PAPPA: variants seen among roughly 807,000 people sequenced by gnomAD.
PAPPA encodes the protein pappalysin-1.
A neutral mutation model predicts 164.0 loss-of-function variants in PAPPA; 60 were observed. That is an observed-to-expected ratio of 0.37 (90% CI 0.30 to 0.45). The LOEUF (loss-of-function observed/expected upper bound fraction) is 0.45, where lower values mean the gene tolerates loss of function less well. PAPPA is among the 20% of genes least tolerant of loss of function. PAPPA has a pLI of 1.00. For synonymous variants in PAPPA, 875 were observed against 814.1 expected, an observed-to-expected ratio of 1.07 and a Z score of -1.27; for missense variants, 1,782 against 2,087.3, an observed-to-expected ratio of 0.85 and a Z score of 2.85.
At chr9:116,177,740 C>T (rs747588444) in intron 1 of PAPPA, among the ~76,000 whole-genome samples, 1 of 152,200 alleles carries the variant, frequency 6.6e-6, no homozygotes, top group African/African-American at 2.4e-5. Flanking sequence ...GGAAAGATCT[C>T]TCTTCCAAGA....
chr9:116,161,996 A>G (rs1843669843), intron 1 of PAPPA, among the ~76,000 whole-genome samples: 1 of 152,122 alleles, frequency 6.6e-6, no homozygotes, highest in Admixed American at 6.5e-5. Context: ...GGTCGCACAA[A>G]GATTAGCTGA....
At position 116,227,473 on chromosome 9, in the gene PAPPA, C is replaced by G. The variant is rs1340100232; in HGVS notation, c.2154C>G (p.Ile718Met). 1.2e-6 allele frequency: 2 copies of G among 1,613,910 alleles called. No individual in the cohort carries two copies. The highest frequency in any genetic ancestry group is 1.7e-6 in the Non-Finnish European group (2 of 1,179,948). Reference sequence around the variant, plus strand: ...GTCATCTTTGCCTGGAAGGGAGAATCCTGGTGCAGTATGCTTCCAACGCTT... The same window carrying G: ...GTCATCTTTGCCTGGAAGGGAGAATGCTGGTGCAGTATGCTTCCAACGCTT... ...SACHLCLEGR[I>M]LVQYASNASS... Residue 718 changes from isoleucine (I) to methionine (M), a missense_variant, in exon 6 of 22, where the codon ATC becomes ATG. Ile to Met is a conservative substitution (Grantham distance 10). Transcript: ENST00000328252.
rs573521592 is a variant in PAPPA at position 116,177,049 on chromosome 9, G to A, written c.416-10105G>A. ...AGGGACATGTAAAATATGTTTCTGA[G>A]CTTATTAGAAACAGTTCTCTCCTTC... On this transcript the variant is annotated intron_variant, in intron 1 of 21. Transcript: ENST00000328252. 2.6e-5 allele frequency among the ~76,000 whole-genome samples: 4 copies of A among 151,262 alleles called. No individual in the cohort carries two copies. The South Asian group carries it at 8.4e-4, about 32-fold the overall frequency.
At chr9:116,292,960 C>A (rs968871803) in intron 9 of PAPPA, among the ~76,000 whole-genome samples, 1 of 152,092 alleles carries the variant, frequency 6.6e-6, no homozygotes, top group Non-Finnish European at 1.5e-5. Flanking sequence ...GGGAGGACTG[C>A]AAGAAGACAG....
At chr9:116,283,472 G>A (rs1031288343) in intron 9 of PAPPA, among the ~76,000 whole-genome samples, 1 of 152,124 alleles carries the variant, frequency 6.6e-6, no homozygotes, top group African/African-American at 2.4e-5. Context: ...GTCACAGGGG[G>A]TGAGTGGGCA....
chr9:116,172,803 C>T (rs915529361), intron 1 of PAPPA, among the ~76,000 whole-genome samples: 3 of 152,128 alleles, frequency 2.0e-5, no homozygotes, highest in Non-Finnish European at 4.4e-5. Flanking sequence ...AAAAAATGGT[C>T]ACCACTTCCA....
chr9:116,337,651 C>T (rs1024800401), intron 13 of PAPPA, among the ~76,000 whole-genome samples: 3 of 151,784 alleles, frequency 2.0e-5, no homozygotes, highest in Non-Finnish European at 4.4e-5. Flanking sequence ...GCATCTCTCC[C>T]TCTCTCTCCT....
intron 7 of PAPPA, among the ~76,000 whole-genome samples, chr9:116,245,233 AC>A (rs1365218154): frequency 1.3e-5 from 2 of 151,984 alleles, no homozygotes; most frequent in Admixed American, 6.6e-5. Flanking sequence ...GACCGTAGAT[AC>A]CCCCCAAACC....
chr9:116,258,517 G>T (rs1024885616), intron 7 of PAPPA, among the ~76,000 whole-genome samples: 1 of 151,860 alleles, frequency 6.6e-6, no homozygotes, highest in Admixed American at 6.6e-5. Context: ...TTAGCCAGGC[G>T]TGGTGGCGCA....
At chr9:116,313,149 G>A (rs1341277335) in intron 10 of PAPPA, among the ~76,000 whole-genome samples, 2 of 150,954 alleles carry the variant, frequency 1.3e-5, no homozygotes, top group African/African-American at 4.9e-5. Context: ...TCTTCAGCCA[G>A]ATCCAAGCAC....
rs768427865 is a variant in PAPPA at position 116,353,760 on chromosome 9, T to C, written c.4314T>C (p.Cys1438=). The C allele has an allele frequency of 1.9e-6, 3 of 1,614,068 alleles. No homozygotes were observed. The highest frequency in any genetic ancestry group is 2.2e-5 in the East Asian group (1 of 44,872). The change falls in exon 17 of 22, where the codon TGT becomes TGC. Residue 1438 remains cysteine, a synonymous_variant. Transcript: ENST00000328252. The part of the protein sequence containing the change: ...CTNGFQFNSE[C]RIKCEDSDAS... ...ATGGCTTCCAGTTCAACAGTGAGTG[T>C]AGGATCAAGTGTGAAGACAGTGATG...
chr9:116,319,196 C>A (rs937103627), intron 10 of PAPPA, among the ~76,000 whole-genome samples: 1 of 152,140 alleles, frequency 6.6e-6, no homozygotes, highest in South Asian at 2.1e-4. Context: ...GCGGAGGGCC[C>A]GTGTGAAATG....
chr9:116,176,177 A>C (rs930991074), intron 1 of PAPPA, among the ~76,000 whole-genome samples: 2 of 152,244 alleles, frequency 1.3e-5, no homozygotes, highest in Admixed American at 1.3e-4. Context: ...TTCTACCTGT[A>C]GGAAACAGTG....
intron 9 of PAPPA, among the ~76,000 whole-genome samples, chr9:116,292,252 G>T (rs912350877): frequency 3.9e-5 from 6 of 152,146 alleles, no homozygotes; most frequent in African/African-American, 1.2e-4. Context: ...TTAGATGAGG[G>T]GCATGGCATG....
intron 10 of PAPPA, among the ~76,000 whole-genome samples, chr9:116,306,353 C>CTTCAG (rs1402162515): frequency 6.6e-6 from 1 of 152,176 alleles, no homozygotes; most frequent in East Asian, 1.9e-4. Flanking sequence ...TTGATTAAAA[C>CTTCAG]TTCAGTTTTG....
chr9:116,264,400 A>T (rs147446240), intron 7 of PAPPA, among the ~76,000 whole-genome samples: 7 of 152,364 alleles, frequency 4.6e-5, no homozygotes, highest in Non-Finnish European at 1.0e-4. Context: ...GTCTACCCAC[A>T]ATATTAGCAG....
At chr9:116,258,465 T>C (rs894781185) in intron 7 of PAPPA, among the ~76,000 whole-genome samples, 2 of 152,108 alleles carry the variant, frequency 1.3e-5, no homozygotes, top group East Asian at 3.9e-4. Context: ...GATACCAGCC[T>C]GACGAACATG....
intron 15 of PAPPA, among the ~76,000 whole-genome samples, chr9:116,352,097 C>T (rs910069770): frequency 2.0e-5 from 3 of 152,212 alleles, no homozygotes; most frequent in Admixed American, 6.5e-5. Flanking sequence ...GCATGGGCTA[C>T]GGGGGAAGTG....
intron 8 of PAPPA, among the ~76,000 whole-genome samples, chr9:116,269,612 A>C (rs1161377383): frequency 2.0e-5 from 3 of 152,216 alleles, no homozygotes; most frequent in Non-Finnish European, 4.4e-5. Flanking sequence ...AAGGTTTCGC[A>C]GAACTTCTTT....
Sources: allele counts gnomAD v4.1 joint callset (sites outside exome capture counted in the v4.1 genomes callset), GRCh38; gene constraint gnomAD v4.1.1; transcripts MANE v1.5; gene names NCBI Gene and HGNC (gene_info 2026-07-23, HGNC 2026-07-21).